The following SLC38A9 variants were observed in gnomAD, a reference collection of about 807,000 sequenced individuals.
SLC38A9 encodes the protein solute carrier family 38 member 9.
SLC38A9 carries 48 observed loss-of-function variants against 62.3 expected under a neutral mutation model. That is an observed-to-expected ratio of 0.77 (90% confidence interval 0.61 to 0.98). The LOEUF is 0.98. Among genes scored for constraint, SLC38A9 ranks in the 50% least tolerant of loss-of-function variants. The probability of loss-of-function intolerance (pLI) is 0.00; values close to 1 mark genes in which losing one functional copy is unlikely to be tolerated. For missense variants in SLC38A9, 541 were observed against 679.8 expected (o/e 0.80, Z 2.27); for synonymous variants, 204 against 227.7 (o/e 0.90, Z 0.94).
At chr5:55,699,716 AT>A (rs1474363345) in intron 2 of SLC38A9, among the ~76,000 whole-genome samples, 5 of 97,604 alleles carry the variant, frequency 5.1e-5, no homozygotes. Context: ...ACCAGAGTGA[AT>A]TTTTAGGAAA....
intron 10 of SLC38A9, 74 bp from the exon 11 acceptor site, chr5:55,649,388 T>G: frequency 4.5e-6 from 4 of 898,348 alleles, no homozygotes; most frequent in Non-Finnish European, 6.6e-6. Context: ...CAAGCATTGT[T>G]TCCATAGTCT....
chr5:55,652,557 A>G lies in SLC38A9; in HGVS notation c.924T>C (p.Pro308=). Residue 308 remains proline (P), a synonymous_variant, in exon 10 of 16, where the codon CCT becomes CCC. Coordinates refer to ENST00000396865, the MANE Select transcript of SLC38A9 (RefSeq NM_173514.4). ...LLLPLLNFKS[P]SFFSKFNILG... The stretch of plus-strand genomic sequence containing the variant: ...GGATATTAAATTTTGAAAAAAATGA[A>G]GGAGACTTGAAATTGAGCAGTGGGA... The G allele has an allele frequency of 6.2e-7, 1 of 1,603,650 alleles. No individual in the cohort carries two copies. Among genetic ancestry groups the G allele is most frequent in the Non-Finnish European group, 8.5e-7 (1 of 1,175,410 alleles).
At chr5:55,680,218 T>TAGAGAGAGAG (rs772132280) in intron 3 of SLC38A9, among the ~76,000 whole-genome samples, 2 of 111,602 alleles carry the variant, frequency 1.8e-5, no homozygotes, top group African/African-American at 6.4e-5. Context: ...TATATATCTA[T>TAGAGAGAGAG]ATATATATAG....
intron 4 of SLC38A9, 49 bp from the exon 5 acceptor site, chr5:55,669,928 T>G (rs1379275281): frequency 1.9e-6 from 3 of 1,548,960 alleles, no homozygotes; most frequent in Admixed American, 4.1e-5. Context: ...AAATGCAAAA[T>G]AGGATATTTG....
Position 55,633,916 on chromosome 5 carries a change from G to A in SLC38A9, c.1282-14C>T. ...GTCTAAAAAATTCTAATCCAAGAAAGATAATGAGGTCATGTTAAAAATCAA... is the reference window on the plus strand; with the variant it reads ...GTCTAAAAAATTCTAATCCAAGAAAAATAATGAGGTCATGTTAAAAATCAA... On this transcript the variant is annotated splice_polypyrimidine_tract_variant and intron_variant, in intron 13 of 15. Coordinates refer to ENST00000396865, the MANE Select transcript of SLC38A9 (RefSeq NM_173514.4). 4 of 1,580,278 alleles carry A rather than the reference G, an allele frequency of 2.5e-6. No individual in the cohort carries two copies. The highest frequency in any genetic ancestry group is 3.5e-6 in the Non-Finnish European group (4 of 1,157,708).
At chr5:55,641,100 A>C (rs1745386727) in intron 12 of SLC38A9, among the ~76,000 whole-genome samples, 1 of 152,118 alleles carries the variant, frequency 6.6e-6, no homozygotes. Context: ...TCGGCCTCCC[A>C]AAGTGCTGGG....
intron 12 of SLC38A9, among the ~76,000 whole-genome samples, chr5:55,637,326 T>A (rs1744587179): frequency 6.6e-6 from 1 of 152,182 alleles, no homozygotes; most frequent in African/African-American, 2.4e-5. Context: ...GTGCACAGCT[T>A]CCAACAAGAC....
intron 14 of SLC38A9, among the ~76,000 whole-genome samples, chr5:55,629,940 C>G (rs1305164671): frequency 9.9e-6 from 1 of 100,672 alleles, no homozygotes; most frequent in Non-Finnish European, 2.5e-5. Context: ...ATCCACAGAA[C>G]TCAGTGAACC....
intron 15 of SLC38A9, among the ~76,000 whole-genome samples, chr5:55,627,024 C>T (rs891810272): frequency 6.6e-6 from 1 of 152,072 alleles, no homozygotes; most frequent in East Asian, 1.9e-4. Flanking sequence ...TTTTGAGGGA[C>T]CGTTAGCATC....
At chr5:55,685,067 T>G (rs16884436) in intron 3 of SLC38A9, among the ~76,000 whole-genome samples, 1 of 152,008 alleles carries the variant, frequency 6.6e-6, no homozygotes, top group Non-Finnish European at 1.5e-5. Flanking sequence ...ACCTCGGTAT[T>G]CTACATTGTC....
chr5:55,685,663 G>A (rs747302728), intron 3 of SLC38A9, among the ~76,000 whole-genome samples: 9 of 152,014 alleles, frequency 5.9e-5, no homozygotes, highest in African/African-American at 9.7e-5. Flanking sequence ...ACACGTGCAG[G>A]ATGTGCCTAT....
chr5:55,636,265 T>C (rs1240857120), intron 12 of SLC38A9, among the ~76,000 whole-genome samples: 1 of 152,210 alleles, frequency 6.6e-6, no homozygotes, highest in Non-Finnish European at 1.5e-5. Context: ...AGCTGCACAA[T>C]GTTACTGGAA....
At chr5:55,669,508 T>A (rs202124897) in intron 6 of SLC38A9, 49 bp downstream of exon 6, 1 of 1,504,388 alleles carries the variant, frequency 6.6e-7, no homozygotes, top group Non-Finnish European at 9.1e-7. Context: ...ACTTACAATA[T>A]AAAGAGAAAA....
intron 3 of SLC38A9, chr5:55,693,229 C>G (rs907142797): frequency 1.3e-5 from 2 of 152,636 alleles, no homozygotes; most frequent in African/African-American, 4.8e-5. Flanking sequence ...ATTTACTACC[C>G]AAAACTTCAT....
At chr5:55,638,532 C>T (rs1284314589) in intron 12 of SLC38A9, among the ~76,000 whole-genome samples, 2 of 151,994 alleles carry the variant, frequency 1.3e-5, no homozygotes, top group Non-Finnish European at 2.9e-5. Context: ...GGTAGAATGC[C>T]AAGTCAGAAT....
At chr5:55,685,466 C>T (rs887423069) in intron 3 of SLC38A9, among the ~76,000 whole-genome samples, 1 of 152,094 alleles carries the variant, frequency 6.6e-6, no homozygotes, top group Middle Eastern at 3.2e-3. Flanking sequence ...CCACTTTGAC[C>T]ATCATGAATG....
chr5:55,700,448 T>C (rs1044055399), intron 2 of SLC38A9, among the ~76,000 whole-genome samples: 3 of 151,938 alleles, frequency 2.0e-5, no homozygotes, highest in Admixed American at 6.5e-5. Flanking sequence ...AAGGTCCTTA[T>C]GTTGTCCAGA....
At chr5:55,655,349 G>A (rs1033090973) in intron 9 of SLC38A9, among the ~76,000 whole-genome samples, 9 of 152,086 alleles carry the variant, frequency 5.9e-5, no homozygotes, top group Admixed American at 2.0e-4. Context: ...CTCCCTACTG[G>A]AGAAGTACTA....
At chr5:55,645,952 G>A (rs998059490) in intron 11 of SLC38A9, 57 bp from the exon 12 acceptor site, 2 of 1,105,316 alleles carry the variant, frequency 1.8e-6, no homozygotes. Flanking sequence ...ATGAGTATTG[G>A]TAGCCAAAAG....
Sources: gnomAD v4.1 joint callset for allele counts (sites outside exome capture counted in the v4.1 genomes callset) on GRCh38, gnomAD v4.1.1 for gene constraint, MANE v1.5 for transcripts, NCBI Gene and HGNC (gene_info 2026-07-23, HGNC 2026-07-21) for gene names.